Variants in LRRC23 observed in about 807,000 individuals in gnomAD.
LRRC23 encodes the protein leucine-rich repeat-containing protein 23.
LRRC23 carries 28 observed loss-of-function variants against 37.7 expected under a neutral mutation model. The ratio of observed to expected loss-of-function variants is 0.74; its 90% confidence interval spans 0.55 to 1.02. The LOEUF (loss-of-function observed/expected upper bound fraction) is 1.02. Among genes scored for constraint, LRRC23 ranks in the 50% least tolerant of loss-of-function variants. The pLI, the probability that LRRC23 is intolerant of heterozygous loss-of-function variation, is 0.00. For missense variants in LRRC23, 377 were observed against 413.2 expected (o/e 0.91, Z 0.76); for synonymous variants, 161 against 165.4 (o/e 0.97, Z 0.20).
intron 6 of LRRC23, among the ~76,000 whole-genome samples, chr12:6,910,947 T>TAA: frequency 6.6e-6 from 1 of 152,014 alleles, no homozygotes; most frequent in African/African-American, 2.4e-5. Flanking sequence ...GTGATTCCTG[T>TAA]TCCTAAGGGG....
intron 6 of LRRC23, 97 bp downstream of exon 6, chr12:6,910,123 C>A (rs781926865): frequency 2.5e-6 from 3 of 1,209,680 alleles, no homozygotes; most frequent in African/African-American, 1.5e-5. Flanking sequence ...CAGTCCTAGC[C>A]CACAGCTGGA....
At position 6,907,371 on chromosome 12, in the gene LRRC23, A is replaced by G. The variant is rs782130075; in HGVS notation, c.547A>G (p.Thr183Ala). ...CCCCGAGAAGTTGATCAGCCTGCAC[A>G]CAGTGGAGCTTCGGGGGAACCAGCT... is the stretch of plus-strand genomic sequence containing the variant. Reference protein sequence around the residue: ...LDPEKLISLHTVELRGNQLES... With the variant: ...LDPEKLISLHAVELRGNQLES... The change falls in exon 5 of 8, where the codon ACA (threonine) becomes GCA (alanine). Residue 183 changes from threonine (T) to alanine (A), a missense_variant. By Grantham distance (58) the Thr-to-Ala change is moderately conservative. Around this residue, in one of 3 missense-constraint regions of LRRC23, gnomAD observed 266 missense variants for 285.6 expected, o/e 0.93. Coordinates refer to ENST00000443597, the MANE Select transcript of LRRC23 (RefSeq NM_001135217.2). 2 of 1,613,998 alleles carry G rather than the reference A, an allele frequency of 1.2e-6. No individual in the cohort carries two copies. The highest frequency in any genetic ancestry group is 1.7e-6 in the Non-Finnish European group (2 of 1,179,972).
rs781961574 is a variant in LRRC23, at chr12:6,906,689, G to T, written c.490+27G>T. 1.9e-6 allele frequency: 3 copies of T among 1,609,032 alleles called. No homozygotes were observed. In the East Asian group the frequency reaches 6.7e-5, roughly 36 times the overall value. On this transcript the variant is annotated intron_variant, in intron 4 of 7. Coordinates refer to ENST00000443597, the MANE Select transcript of LRRC23 (RefSeq NM_001135217.2). ...TGGGTCTTTAGGATGGGCTACACAA[G>T]ATTCTTTCCTTCCTAGCCTGAGGCC...
intron 3 of LRRC23, 70 bp from the exon 4 acceptor site, chr12:6,906,339 A>G: frequency 6.7e-7 from 1 of 1,486,054 alleles, no homozygotes; most frequent in Non-Finnish European, 9.2e-7. Context: ...CTTCTGCTTT[A>G]GCAACTCTGC....
At chr12:6,909,153 AT>A (rs1945054124) in intron 5 of LRRC23, among the ~76,000 whole-genome samples, 1 of 10,706 alleles carries the variant, frequency 9.3e-5, no homozygotes, top group African/African-American at 1.4e-3. Flanking sequence ...TATATATTAT[AT>A]ATTATATATA....
rs1480113358 is a variant in LRRC23 at position 6,913,561 on chromosome 12, T to TG, written c.*25-330_*25-329insG. On this transcript the variant is annotated intron_variant, in intron 7 of 7. Transcript: ENST00000443597. ...GCTTTATTTACCTCTGTTTGTTTTT[T>TG]TTTTTTTTTTTTTTTTTTTTTTGCG... 7.4e-5 allele frequency among the ~76,000 whole-genome samples: 8 copies of TG among 108,474 alleles called. No homozygotes were observed. In the South Asian group the frequency reaches 1.2e-3, roughly 17 times the overall value. The allele number at this position is 108,474 out of a possible 152,430, so 71.2% of individuals were successfully genotyped here.
At position 6,905,584 on chromosome 12, in the gene LRRC23, G is replaced by A. The variant is rs782302597; in HGVS notation, c.-49-1G>A. On this transcript the variant is annotated splice_acceptor_variant, in intron 1 of 7. Transcript: ENST00000443597. LOFTEE classifies it low-confidence loss of function (5UTR_SPLICE). ...GAAGCTGATGAGACCTTCTTTTTCAGGAGGAGGACTGAGCTTATCTGACTC... is the reference window on the plus strand; with the variant it reads ...GAAGCTGATGAGACCTTCTTTTTCAAGAGGAGGACTGAGCTTATCTGACTC... 2.5e-6 allele frequency: 4 copies of A among 1,602,060 alleles called. No individual in the cohort carries two copies. The highest frequency in any genetic ancestry group is 1.1e-5 in the South Asian group (1 of 90,156).
chr12:6,908,115 C>T (rs933909898), intron 5 of LRRC23, among the ~76,000 whole-genome samples: 1 of 152,080 alleles, frequency 6.6e-6, no homozygotes, highest in Non-Finnish European at 1.5e-5. Flanking sequence ...ATGCTTAGGG[C>T]GAAGTATGGG....
intron 5 of LRRC23, among the ~76,000 whole-genome samples, chr12:6,909,181 ATT>A (rs1945060998): frequency 5.3e-5 from 1 of 18,850 alleles, no homozygotes; most frequent in Non-Finnish European, 6.9e-5. Context: ...ATAATATATA[ATT>A]ATATATTATA....
rs782132782 is a variant in LRRC23 at position 6,905,916 on chromosome 12, G to T, written c.198G>T (p.Gly66=). 9 of 1,613,884 alleles carry T rather than the reference G, an allele frequency of 5.6e-6. No individual in the cohort carries two copies. Among genetic ancestry groups the T allele is most frequent in the Non-Finnish European group, 7.6e-6 (9 of 1,179,986 alleles). Residue 66 remains glycine, a synonymous_variant, in exon 3 of 8, where the codon GGG becomes GGT. Coordinates refer to ENST00000443597, the MANE Select transcript of LRRC23 (RefSeq NM_001135217.2). ...CTCTGCTCTGTAAGACAGGCAATGG[G>T]CTGGCTCATGCTTATGTCAAGCTGG... ...GLSLLCKTGN[G]LAHAYVKLEV...
intron 3 of LRRC23, 73 bp from the exon 4 acceptor site, chr12:6,906,336 T>A: frequency 6.8e-7 from 1 of 1,473,464 alleles, no homozygotes; most frequent in Non-Finnish European, 9.3e-7. Context: ...TGCCTTCTGC[T>A]TTAGCAACTC....
Position 6,904,967 on chromosome 12 carries a change from C to T in LRRC23, c.-158C>T, listed in dbSNP as rs1456309246. ...TTGCCAAGTGCCCCGTCCCCGTTGC[C>T]ATAACAGCAGTACACAACCCCTCCT... On this transcript the variant is annotated 5_prime_UTR_variant, in exon 1 of 8. Coordinates refer to ENST00000443597, the MANE Select transcript of LRRC23 (RefSeq NM_001135217.2). The T allele has an allele frequency of 6.6e-6, 1 of 152,468 alleles. No individual in the cohort carries two copies. Among genetic ancestry groups the T allele is most frequent in the African/African-American group, 2.4e-5 (1 of 41,468 alleles). The allele number at this position is 152,468 out of a possible 1,614,324, so 9.4% of individuals were successfully genotyped here.
At chr12:6,913,713 T>G (rs1164020614) in intron 7 of LRRC23, 178 bp from the exon 8 acceptor site, 2 of 430,720 alleles carry the variant, frequency 4.6e-6, no homozygotes, top group Non-Finnish European at 8.2e-6. Flanking sequence ...TACAGGCGCA[T>G]GCAACCGCGC....
chr12:6,910,677 CAG>C (rs1945136002), intron 6 of LRRC23, among the ~76,000 whole-genome samples: 1 of 152,078 alleles, frequency 6.6e-6, no homozygotes, highest in South Asian at 2.1e-4. Context: ...CGCTGCACTC[CAG>C]CCTGGGTGAC....
rs781978681 is a variant in LRRC23 at position 6,906,668 on chromosome 12, T to A, written c.490+6T>A. On this transcript the variant is annotated splice_donor_region_variant and intron_variant, in intron 4 of 7. Transcript: ENST00000443597. ...TGAAACCCTGAATCTCAAAGGTGGGTCTTTAGGATGGGCTACACAAGATTC... is the reference window on the plus strand; with the variant it reads ...TGAAACCCTGAATCTCAAAGGTGGGACTTTAGGATGGGCTACACAAGATTC... 8.1e-6 allele frequency: 13 copies of A among 1,613,402 alleles called. No homozygotes were observed. The highest frequency in any genetic ancestry group is 1.0e-5 in the Non-Finnish European group (12 of 1,179,666).
chr12:6,909,780 C>G (rs1317412553), intron 5 of LRRC23, 110 bp from the exon 6 acceptor site: 35 of 1,017,644 alleles, frequency 3.4e-5, no homozygotes, highest in Non-Finnish European at 4.7e-5. Flanking sequence ...TTCTTCCACT[C>G]CTCCCTCTCT....
Position 6,914,084 on chromosome 12 carries a change from C to T in LRRC23, c.*218C>T, listed in dbSNP as rs782257072. On this transcript the variant is annotated 3_prime_UTR_variant, in exon 8 of 8. Transcript: ENST00000443597. This position sits in a 1 kb window ranked among gnomAD's most constrained non-coding sequence, Gnocchi z 7.1. ...ATGGGGTGCCTAGGCCTGAGCGTTG[C>T]CTGGAGCCTAGGCCGGGGGCCGCCC... 6.5e-7 allele frequency: 1 copy of T among 1,542,988 alleles called. No homozygotes were observed. The highest frequency in any genetic ancestry group is 8.7e-7 in the Non-Finnish European group (1 of 1,148,320).
At position 6,906,679 on chromosome 12, in the gene LRRC23, G is replaced by A; in HGVS notation, c.490+17G>A. On this transcript the variant is annotated intron_variant, in intron 4 of 7. Transcript: ENST00000443597. Reference sequence around the variant, plus strand: ...ATCTCAAAGGTGGGTCTTTAGGATGGGCTACACAAGATTCTTTCCTTCCTA... The same window carrying A: ...ATCTCAAAGGTGGGTCTTTAGGATGAGCTACACAAGATTCTTTCCTTCCTA... The A allele has an allele frequency of 6.2e-7, 1 of 1,611,572 alleles. No homozygotes were observed. Among genetic ancestry groups the A allele is most frequent in the Non-Finnish European group, 8.5e-7 (1 of 1,178,482 alleles).
chr12:6,911,149 A>G (rs1280787407), intron 6 of LRRC23, among the ~76,000 whole-genome samples: 3 of 152,196 alleles, frequency 2.0e-5, no homozygotes, highest in Non-Finnish European at 4.4e-5. Context: ...AGAGAAGGAC[A>G]TTTGTAAGAA....
Sources: allele counts gnomAD v4.1 joint callset (sites outside exome capture counted in the v4.1 genomes callset), GRCh38; gene constraint gnomAD v4.1.1; regional missense constraint gnomAD v4.1.1; non-coding constraint Gnocchi (gnomAD v3.1); transcripts MANE v1.5; gene names NCBI Gene and HGNC (gene_info 2026-07-23, HGNC 2026-07-21).